The following AKAP8 variants were observed in gnomAD, a reference collection of about 807,000 sequenced individuals.
AKAP8 encodes A-kinase anchoring protein 8.
Under a neutral mutation model 67.5 loss-of-function variants are expected in AKAP8, and 24 were observed. That is an observed-to-expected ratio of 0.36 (90% confidence interval 0.26 to 0.50). The LOEUF is 0.50. Among genes scored for constraint, AKAP8 ranks in the 20% least tolerant of loss-of-function variants. The pLI is 0.97. For synonymous variants in AKAP8, 400 were observed against 371.1 expected (o/e 1.08, Z -0.90); for missense variants, 971 against 955.9 (o/e 1.02, Z -0.21).
At position 15,354,645 on chromosome 19, in the gene AKAP8, C is replaced by T. The variant is rs2048265173; in HGVS notation, c.*270G>A. Reference sequence around the variant, plus strand: ...GTATCATCAAGATATAATCACCCAACCTTTATTATTCCAAGTGCACTACTG... The same window carrying T: ...GTATCATCAAGATATAATCACCCAATCTTTATTATTCCAAGTGCACTACTG... On this transcript the variant is annotated 3_prime_UTR_variant, in exon 14 of 14. Transcript: ENST00000269701. 1 of 481,126 alleles carries T rather than the reference C, an allele frequency of 2.1e-6. No individual in the cohort carries two copies. The highest frequency in any genetic ancestry group is 1.9e-5 in the African/African-American group (1 of 52,416). 29.8% of individuals were successfully genotyped at this position (481,126 alleles called of 1,614,324 possible).
intron 9 of AKAP8, among the ~76,000 whole-genome samples, chr19:15,362,810 T>C (rs1161172246): frequency 1.4e-5 from 2 of 144,508 alleles, no homozygotes; most frequent in Non-Finnish European, 3.1e-5. Context: ...CGTCTCCGCC[T>C]GGCCGCCCAT....
chr19:15,368,120 C>A, intron 9 of AKAP8, 115 bp downstream of exon 9: 2 of 1,405,348 alleles, frequency 1.4e-6, no homozygotes, highest in South Asian at 2.6e-5. Flanking sequence ...CTGGTTTGGC[C>A]AGAGGAGTCA....
chr19:15,368,356 G>A, intron 8 of AKAP8, 34 bp from the exon 9 acceptor site: 1 of 1,612,584 alleles, frequency 6.2e-7, no homozygotes, highest in Non-Finnish European at 8.5e-7. Flanking sequence ...GACGCTCTGA[G>A]TGGCCTGCAA....
chr19:15,362,506 C>T (rs953335195), intron 9 of AKAP8, among the ~76,000 whole-genome samples: 15 of 150,092 alleles, frequency 1.0e-4, no homozygotes, highest in Admixed American at 2.7e-4. Flanking sequence ...TGCAGGCGCG[C>T]GCCGCCACGC....
At chr19:15,374,472 C>A (rs111926344) in intron 3 of AKAP8, 131 bp downstream of exon 3, 438 of 1,122,946 alleles carry the variant, frequency 3.9e-4, no homozygotes, top group Non-Finnish European at 3.9e-4. Context: ...CAACAGCAGC[C>A]GTGGCTGACT....
At chr19:15,372,374 G>C (rs772779069) in intron 5 of AKAP8, 27 bp from the exon 6 acceptor site, 6 of 1,611,814 alleles carry the variant, frequency 3.7e-6, no homozygotes, top group Non-Finnish European at 5.1e-6. Context: ...CACCCCATGA[G>C]CTACTTACGA....
At chr19:15,377,053 C>T in intron 1 of AKAP8, 39 bp from the exon 2 acceptor site, 1 of 1,604,932 alleles carries the variant, frequency 6.2e-7, no homozygotes, top group Non-Finnish European at 8.5e-7. Context: ...CTATTTGTCA[C>T]ACCAGAGAAC....
Position 15,360,983 on chromosome 19 carries a change from C to T in AKAP8, c.1397-5G>A. 6.2e-7 allele frequency: 1 copy of T among 1,611,922 alleles called. No homozygotes were observed. Among genetic ancestry groups the T allele is most frequent in the East Asian group, 2.2e-5 (1 of 44,842 alleles). ...AGAAGTGCTCCTGGCCAATCCCTGC[C>T]AGGAAACGCATGTCTTGTAGGATCT... On this transcript the variant is annotated splice_polypyrimidine_tract_variant and splice_region_variant and intron_variant, in intron 11 of 13. Transcript: ENST00000269701.
At position 15,373,357 on chromosome 19, in the gene AKAP8, G is replaced by A; in HGVS notation, c.372-17C>T. 1 of 1,591,132 alleles carries A rather than the reference G, an allele frequency of 6.3e-7. No individual in the cohort carries two copies. The highest frequency in any genetic ancestry group is 8.6e-7 in the Non-Finnish European group (1 of 1,168,108). ...CGGAAGGAGCTGCAACAGAAGCACA[G>A]CCCATCAGGGGCGGTCACCCCGATC... On this transcript the variant is annotated splice_polypyrimidine_tract_variant and intron_variant, in intron 4 of 13. Transcript: ENST00000269701.
chr19:15,368,665 C>T (rs1468789239), intron 8 of AKAP8: 8 of 985,284 alleles, frequency 8.1e-6, no homozygotes, highest in Non-Finnish European at 9.6e-6. Context: ...GGGGTCTTCT[C>T]CCAATATCAC....
chr19:15,362,290 C>G (rs1568424521), intron 9 of AKAP8, 39 bp from the exon 10 acceptor site: 1 of 1,610,750 alleles, frequency 6.2e-7, no homozygotes, highest in African/African-American at 1.3e-5. Context: ...AAGCAGGGAG[C>G]ATCAGCGAGT....
rs372664920 is a variant in AKAP8 at position 15,372,840 on chromosome 19, C to T, written c.861+11G>A. 6.1e-5 allele frequency: 91 copies of T among 1,489,962 alleles called. No homozygotes were observed. Among genetic ancestry groups the T allele is most frequent in the Non-Finnish European group, 9.8e-6 (11 of 1,121,208 alleles). The allele number at this position is 1,489,962 out of a possible 1,614,324, so 92.3% of individuals were successfully genotyped here. A position where few individuals can be genotyped will look rare whatever the true frequency, so the allele number is the denominator to read the frequency against. On this transcript the variant is annotated intron_variant, in intron 5 of 13. Transcript: ENST00000269701. ...GCGAAGGCGGCCGGAAGGAACCTTG[C>T]GAGGGCTTACCCGATCCCGATCCCG...
At chr19:15,365,017 T>C (rs1967046545) in intron 9 of AKAP8, among the ~76,000 whole-genome samples, 2 of 152,192 alleles carry the variant, frequency 1.3e-5, no homozygotes, top group Non-Finnish European at 2.9e-5. Context: ...AACACAGGCT[T>C]GCAGGTATCT....
chr19:15,361,268 G>GATTC (rs1966960740), intron 11 of AKAP8, among the ~76,000 whole-genome samples: 1 of 151,362 alleles, frequency 6.6e-6, no homozygotes, highest in Admixed American at 6.6e-5. Context: ...ACATCCGAAG[G>GATTC]TTTCTTTCCA....
At chr19:15,377,617 T>C (rs376958437) in intron 1 of AKAP8, among the ~76,000 whole-genome samples, 17 of 152,136 alleles carry the variant, frequency 1.1e-4, no homozygotes, top group African/African-American at 3.4e-4. Context: ...TACAGGCGCC[T>C]GCCACCACGC....
At chr19:15,370,368 A>G (rs1447674311) in intron 7 of AKAP8, among the ~76,000 whole-genome samples, 189 bp from the exon 8 acceptor site, 2 of 151,958 alleles carry the variant, frequency 1.3e-5, no homozygotes, top group Non-Finnish European at 2.9e-5. Flanking sequence ...GTGTCCTGTT[A>G]TTACTCCTAG....
chr19:15,368,382 G>A (rs1967102872), intron 8 of AKAP8, 60 bp from the exon 9 acceptor site: 1 of 1,609,132 alleles, frequency 6.2e-7, no homozygotes, highest in East Asian at 2.2e-5. Context: ...CTGAGCTCCA[G>A]GGCCTGGTCG....
Position 15,354,984 on chromosome 19 carries a change from G to C in AKAP8, c.2010C>G (p.Ala670=). 6.2e-7 allele frequency: 1 copy of C among 1,614,138 alleles called. No homozygotes were observed. Among genetic ancestry groups the C allele is most frequent in the East Asian group, 2.2e-5 (1 of 44,880 alleles). The change falls in exon 14 of 14, where the codon GCC becomes GCG. Residue 670 remains alanine (A), a synonymous_variant. Transcript: ENST00000269701. ...AESAQTRVAP[A]PAAADAEVEQ... ...CCACTTCAGCATCCGCGGCAGCTGG[G>C]GCAGGAGCAACTCTGGTTTGGGCAC...
intron 8 of AKAP8, chr19:15,368,959 G>A (rs1967112319): frequency 1.0e-6 from 1 of 986,012 alleles, no homozygotes; most frequent in Non-Finnish European, 1.2e-6. Context: ...CCGTCCCCCG[G>A]GGCCAGCAGA....
Sources: gnomAD v4.1 joint callset for allele counts (sites outside exome capture counted in the v4.1 genomes callset) on GRCh38, gnomAD v4.1.1 for gene constraint, MANE v1.5 for transcripts, NCBI Gene and HGNC (gene_info 2026-07-23, HGNC 2026-07-21) for gene names.